The following ARID2 variants were observed in gnomAD, a reference collection of about 807,000 sequenced individuals.
The protein encoded by ARID2 is AT-rich interaction domain 2.
ARID2 carries 32 observed loss-of-function variants against 184.6 expected under a neutral mutation model. That is an observed-to-expected ratio of 0.17 (90% CI 0.13 to 0.23). ARID2 has a LOEUF of 0.23. ARID2 is among the 10% of genes least tolerant of loss of function. The pLI is 1.00. For missense variants in ARID2, 1,696 were observed against 2,197.6 expected (o/e 0.77, Z 4.56); for synonymous variants, 836 against 772.6 (o/e 1.08, Z -1.36).
rs1592119305 is a variant in ARID2, at chr12:45,850,559, T to C, written c.2436T>C (p.Thr812=). Residue 812 remains threonine (T), a synonymous_variant, in exon 15 of 21, where the codon ACT becomes ACC. Transcript: ENST00000334344. ...FGRVQNIPAC[T]STVSQGQQLI... Reference sequence around the variant, plus strand: ...GAGTACAGAACATACCAGCATGTACTTCTACAGTTTCACAGGGTCAACAGT... The same window carrying C: ...GAGTACAGAACATACCAGCATGTACCTCTACAGTTTCACAGGGTCAACAGT... 1 of 1,614,118 alleles carries C rather than the reference T, an allele frequency of 6.2e-7. No homozygotes were observed. The highest frequency in any genetic ancestry group is 2.2e-5 in the East Asian group (1 of 44,884).
chr12:45,801,060 C>G (rs564673236), intron 3 of ARID2, among the ~76,000 whole-genome samples: 1 of 152,224 alleles, frequency 6.6e-6, no homozygotes, highest in South Asian at 2.1e-4. Flanking sequence ...CGCCTGTAAT[C>G]CCAGCGCTTT....
chr12:45,816,269 A>T (rs1418537657), intron 4 of ARID2, among the ~76,000 whole-genome samples: 4 of 152,232 alleles, frequency 2.6e-5, no homozygotes, highest in African/African-American at 9.6e-5. Flanking sequence ...CATGAACCAT[A>T]AAAGTAAATA....
chr12:45,778,968 A>G (rs1942037054), intron 3 of ARID2, among the ~76,000 whole-genome samples: 1 of 152,156 alleles, frequency 6.6e-6, no homozygotes, highest in Non-Finnish European at 1.5e-5. Context: ...GGCATCACTC[A>G]TATCTTTATT....
At chr12:45,835,067 T>C in intron 6 of ARID2, among the ~76,000 whole-genome samples, 1 of 152,156 alleles carries the variant, frequency 6.6e-6, no homozygotes, top group Non-Finnish European at 1.5e-5. Context: ...TTTTGTCTCT[T>C]TATACTTCAA....
intron 6 of ARID2, among the ~76,000 whole-genome samples, 192 bp from the exon 7 acceptor site, chr12:45,836,397 G>C (rs1320286157): frequency 6.6e-6 from 1 of 152,064 alleles, no homozygotes; most frequent in Non-Finnish European, 1.5e-5. Context: ...TTTCTAGTTT[G>C]TAGAGATGGG....
Position 45,730,149 on chromosome 12 carries a change from T to C in ARID2, c.186+12T>C. 6.2e-7 allele frequency: 1 copy of C among 1,611,248 alleles called. No individual in the cohort carries two copies. Among genetic ancestry groups the C allele is most frequent in the Non-Finnish European group, 8.5e-7 (1 of 1,178,462 alleles). ...GCGGATTCGCGAAGGTGAGTGGAAGTTTTAATTTGTATTTCCCTCTCGCTG... is the reference window on the plus strand; with the variant it reads ...GCGGATTCGCGAAGGTGAGTGGAAGCTTTAATTTGTATTTCCCTCTCGCTG... On this transcript the variant is annotated intron_variant, in intron 2 of 20. Coordinates refer to ENST00000334344, the MANE Select transcript of ARID2 (RefSeq NM_152641.4).
At chr12:45,768,114 A>T (rs573613194) in intron 3 of ARID2, among the ~76,000 whole-genome samples, 1 of 152,340 alleles carries the variant, frequency 6.6e-6, no homozygotes, top group East Asian at 1.9e-4. Flanking sequence ...CTGAGATAGA[A>T]ACTTCACTCC....
chr12:45,766,503 A>AT (rs1464401986), intron 3 of ARID2, among the ~76,000 whole-genome samples: 5 of 147,628 alleles, frequency 3.4e-5, no homozygotes, highest in Non-Finnish European at 7.5e-5. Context: ...TGGAGAGTAG[A>AT]TTTTTTATTT....
intron 3 of ARID2, among the ~76,000 whole-genome samples, chr12:45,803,527 T>C (rs938517981): frequency 3.3e-5 from 5 of 152,188 alleles, no homozygotes; most frequent in African/African-American, 1.2e-4. Context: ...GTAAGCATAT[T>C]GCAAAGCATC....
intron 3 of ARID2, among the ~76,000 whole-genome samples, chr12:45,766,637 C>T (rs1477021403): frequency 1.3e-5 from 2 of 151,850 alleles, no homozygotes; most frequent in Non-Finnish European, 2.9e-5. Context: ...CCTCAGCCTC[C>T]CGAGTAGCTG....
chr12:45,854,610 T>A (rs754033490), intron 15 of ARID2, among the ~76,000 whole-genome samples: 1 of 152,204 alleles, frequency 6.6e-6, no homozygotes, highest in Admixed American at 6.5e-5. Context: ...TCACCTTGAT[T>A]ATGTGCCTGT....
At chr12:45,762,893 CA>C (rs1342601705) in intron 3 of ARID2, among the ~76,000 whole-genome samples, 1 of 152,162 alleles carries the variant, frequency 6.6e-6, no homozygotes, top group African/African-American at 2.4e-5. Context: ...CCTCATGCAT[CA>C]AATTGTGCTA....
intron 3 of ARID2, among the ~76,000 whole-genome samples, chr12:45,738,924 A>C (rs1036709324): frequency 6.7e-6 from 1 of 149,620 alleles, no homozygotes; most frequent in Non-Finnish European, 1.5e-5. Flanking sequence ...TCACCTTCCC[A>C]TTCCCTTCCC....
intron 3 of ARID2, among the ~76,000 whole-genome samples, chr12:45,784,160 G>A (rs1942148949): frequency 6.6e-6 from 1 of 151,696 alleles, no homozygotes; most frequent in Non-Finnish European, 1.5e-5. Context: ...TGGCTAATTT[G>A]TTTGTTTTAT....
At chr12:45,903,269 G>A (rs78862080) in intron 20 of ARID2, among the ~76,000 whole-genome samples, 3,197 of 152,000 alleles carry the variant, frequency 0.021, 117 homozygotes, top group African/African-American at 0.073. Flanking sequence ...TCCAATTTGG[G>A]GCTATTAAGA....
chr12:45,753,750 T>C (rs954204524), intron 3 of ARID2, among the ~76,000 whole-genome samples: 3 of 152,088 alleles, frequency 2.0e-5, no homozygotes, highest in African/African-American at 7.2e-5. Context: ...CGTGCCACCA[T>C]GCCTGGCTAA....
At chr12:45,766,475 T>G (rs1041779970) in intron 3 of ARID2, among the ~76,000 whole-genome samples, 2 of 151,562 alleles carry the variant, frequency 1.3e-5, no homozygotes, top group African/African-American at 4.8e-5. Flanking sequence ...GCCAAGTGGA[T>G]TATATTCTTG....
intron 15 of ARID2, among the ~76,000 whole-genome samples, chr12:45,859,792 G>A (rs1048603926): frequency 3.3e-5 from 5 of 152,192 alleles, no homozygotes; most frequent in Non-Finnish European, 7.3e-5. Flanking sequence ...GGAGTGAAGT[G>A]GAGCGATCTC....
In ARID2 at chr12:45,821,463, G is replaced by A. The variant is rs753188398; in HGVS notation, c.681G>A (p.Glu227=). 17 of 1,518,892 alleles carry A rather than the reference G, an allele frequency of 1.1e-5. No homozygotes were observed. Among genetic ancestry groups the A allele is most frequent in the South Asian group, 1.4e-5 (1 of 72,126 alleles). The allele number at this position is 1,518,892 out of a possible 1,614,324, so 94.1% of individuals were successfully genotyped here. ...CTGTATTTGGAGAAGAATGGAAAGA[G>A]AAGACTGATAGAGACTTCGTTAAGG... ...FSTVFGEEWK[E]KTDRDFVKFW... The change falls in exon 6 of 21, where the codon GAG becomes GAA. Residue 227 remains glutamate, a synonymous_variant. Coordinates refer to ENST00000334344, the MANE Select transcript of ARID2 (RefSeq NM_152641.4).
Sources: allele counts gnomAD v4.1 joint callset (sites outside exome capture counted in the v4.1 genomes callset), GRCh38; gene constraint gnomAD v4.1.1; transcripts MANE v1.5; gene names NCBI Gene and HGNC (gene_info 2026-07-23, HGNC 2026-07-21).